The following CSMD1 variants were observed in gnomAD, a reference collection of about 807,000 sequenced individuals.
CSMD1 encodes CUB and sushi domain-containing protein 1.
A neutral mutation model predicts 417.5 loss-of-function variants in CSMD1; 213 were observed. That is an observed-to-expected ratio of 0.51 (90% CI 0.46 to 0.57). The LOEUF (loss-of-function observed/expected upper bound fraction) is 0.57. Among genes scored for constraint, CSMD1 ranks in the 20% least tolerant of loss-of-function variants. The pLI is 0.00. For synonymous variants in CSMD1, 2,862 were observed against 1,736.8 expected (o/e 1.65, Z -16.11); for missense variants, 6,923 against 4,529.7 (o/e 1.53, Z -15.17).
rs533002489 is a variant in CSMD1 at position 4,601,541 on chromosome 8, A to C, written c.302+35801T>G. Among the ~76,000 whole-genome samples, 8 of 152,308 alleles carry C rather than the reference A, an allele frequency of 5.3e-5. No homozygotes were observed. In the South Asian group the frequency reaches 6.2e-4, roughly 12 times the overall value. ...ATCATAAAGGAACTTCTATGGTCAT[A>C]CAGATGATAAAAGGTAGTATTAAGA... On this transcript the variant is annotated intron_variant, in intron 2 of 69. Coordinates refer to ENST00000635120, the MANE Select transcript of CSMD1 (RefSeq NM_033225.6).
chr8:3,304,170 C>A lies in CSMD1; in HGVS notation c.3950+3525G>T, dbSNP rs147494038. Among the ~76,000 whole-genome samples the A allele has an allele frequency of 1.6e-3, 248 of 152,120 alleles. 1 individual carries two copies. The highest frequency in any genetic ancestry group is 5.7e-3 in the African/African-American group (236 of 41,492). ...ACATTAAGATATCATAGTATAAATG[C>A]ATAGTAATGATTACATTTATATTAA... On this transcript the variant is annotated intron_variant, in intron 25 of 69. Transcript: ENST00000635120.
rs566521722 is a variant in CSMD1 at position 4,665,302 on chromosome 8, C to T, written c.86-27744G>A. Among the ~76,000 whole-genome samples, 3 of 152,320 alleles carry T rather than the reference C, an allele frequency of 2.0e-5. No homozygotes were observed. In the South Asian group the frequency reaches 6.2e-4, roughly 32 times the overall value. On this transcript the variant is annotated intron_variant, in intron 1 of 69. Transcript: ENST00000635120. ...TTTTCTCTCAGATTGGCCTTCCTCT[C>T]CCTTTGCTGACTTTGAAATTTGTAA...
At chr8:4,255,966 T>C (rs527385119) in intron 3 of CSMD1, among the ~76,000 whole-genome samples, 1 of 152,294 alleles carries the variant, frequency 6.6e-6, no homozygotes, top group African/African-American at 2.4e-5. Flanking sequence ...CCAATAAAGC[T>C]TTGGTGAAAA....
chr8:3,385,415 CTGTT>C (rs1810947665), intron 18 of CSMD1, among the ~76,000 whole-genome samples: 1 of 151,094 alleles, frequency 6.6e-6, no homozygotes, highest in Admixed American at 6.6e-5. Context: ...ATCTATTGAC[CTGTT>C]ATCCTGAATG....
At chr8:3,865,992 T>A (rs1365069501) in intron 5 of CSMD1, among the ~76,000 whole-genome samples, 1 of 152,188 alleles carries the variant, frequency 6.6e-6, no homozygotes, top group Admixed American at 6.5e-5. Flanking sequence ...TTCACCATCA[T>A]CTGTAGTCAT....
At chr8:3,199,975 A>C (rs1796908270) in intron 32 of CSMD1, among the ~76,000 whole-genome samples, 166 bp from the exon 33 acceptor site, 1 of 152,198 alleles carries the variant, frequency 6.6e-6, no homozygotes, top group Non-Finnish European at 1.5e-5. Flanking sequence ...TATAAAGATT[A>C]AAAACTCTGT....
intron 1 of CSMD1, among the ~76,000 whole-genome samples, chr8:4,654,631 G>T (rs1460005523): frequency 2.0e-5 from 3 of 152,136 alleles, no homozygotes; most frequent in East Asian, 1.9e-4. Flanking sequence ...CAACTAAAAT[G>T]GTTGAAGTCA....
At chr8:4,512,606 C>T (rs1802882201) in intron 2 of CSMD1, among the ~76,000 whole-genome samples, 1 of 152,022 alleles carries the variant, frequency 6.6e-6, no homozygotes, top group Non-Finnish European at 1.5e-5. Flanking sequence ...ACAAAGTTAA[C>T]ACTAATGCAC....
rs1554445798 is a variant in CSMD1, at chr8:4,093,965, A to AATAGATAGATAC, written c.416-61867_416-61866insGTATCTATCTAT. 5.2e-3 allele frequency among the ~76,000 whole-genome samples: 719 copies of AATAGATAGATAC among 136,954 alleles called. 3 individuals carry two copies. The highest frequency in any genetic ancestry group is 7.9e-3 in the Non-Finnish European group (501 of 63,234). 89.8% of individuals were successfully genotyped at this position (136,954 alleles called of 152,430 possible). A position where few individuals can be genotyped will look rare whatever the true frequency, so the allele number is the denominator to read the frequency against. On this transcript the variant is annotated intron_variant, in intron 3 of 69. Coordinates refer to ENST00000635120, the MANE Select transcript of CSMD1 (RefSeq NM_033225.6). ...AAAGAGTGACTGAGACTACATCTCAAATAGATAGATAGATAGATAGATAGA... is the reference window on the plus strand; with the variant it reads ...AAAGAGTGACTGAGACTACATCTCAAATAGATAGATACATAGATAGATAGATAGATAGATAGA...
intron 26 of CSMD1, among the ~76,000 whole-genome samples, chr8:3,263,461 C>G (rs1263930603): frequency 2.0e-5 from 3 of 152,080 alleles, no homozygotes; most frequent in Non-Finnish European, 2.9e-5. Context: ...TACATTGGGT[C>G]TTTGTTTATC....
chr8:3,046,096 T>C (rs1259655680), intron 50 of CSMD1, among the ~76,000 whole-genome samples: 1 of 152,174 alleles, frequency 6.6e-6, no homozygotes, highest in East Asian at 1.9e-4. Context: ...TTGTGAATTT[T>C]CTTCTACCGC....
chr8:4,176,238 T>C (rs968904597), intron 3 of CSMD1, among the ~76,000 whole-genome samples: 1 of 152,010 alleles, frequency 6.6e-6, no homozygotes, highest in Non-Finnish European at 1.5e-5. Context: ...CTTATGTACG[T>C]TCTTATATAC....
At position 3,931,333 on chromosome 8, in the gene CSMD1, A is replaced by G. The variant is rs551465411; in HGVS notation, c.818+66570T>C. On this transcript the variant is annotated intron_variant, in intron 5 of 69. Coordinates refer to ENST00000635120, the MANE Select transcript of CSMD1 (RefSeq NM_033225.6). ...ATATTTAAGAACTAGAAGTCAGCAG[A>G]AAAGGGCCACTCTCTCTCCCTCCCT... is the stretch of plus-strand genomic sequence containing the variant. Among the ~76,000 whole-genome samples the G allele has an allele frequency of 3.5e-4, 52 of 150,708 alleles. 2 individuals are homozygous for G. In the Middle Eastern group the frequency reaches 0.014, roughly 39 times the overall value.
intron 2 of CSMD1, among the ~76,000 whole-genome samples, chr8:4,553,345 T>C (rs1472605646): frequency 6.6e-6 from 1 of 152,232 alleles, no homozygotes; most frequent in Non-Finnish European, 1.5e-5. Flanking sequence ...TTTTCATTAA[T>C]TACTCCTGAC....
At chr8:3,631,592 G>T (rs1386352569) in intron 7 of CSMD1, among the ~76,000 whole-genome samples, 1 of 152,330 alleles carries the variant, frequency 6.6e-6, no homozygotes, top group South Asian at 2.1e-4. Context: ...CAAATCGGTA[G>T]AAGACAGGGA....
At chr8:3,735,238 G>C (rs1796471986) in intron 6 of CSMD1, among the ~76,000 whole-genome samples, 1 of 152,098 alleles carries the variant, frequency 6.6e-6, no homozygotes, top group Non-Finnish European at 1.5e-5. Flanking sequence ...GTCTGATTTG[G>C]ATATTTAGTG....
At chr8:4,561,981 G>C (rs17070617) in intron 2 of CSMD1, among the ~76,000 whole-genome samples, 28,907 of 152,054 alleles carry the variant, frequency 0.19, 3,108 homozygotes, top group African/African-American at 0.3. Flanking sequence ...TAAACGAAGA[G>C]AGTTAAGGAA....
chr8:3,961,475 A>G (rs918565726), intron 5 of CSMD1, among the ~76,000 whole-genome samples: 1 of 152,190 alleles, frequency 6.6e-6, no homozygotes, highest in African/African-American at 2.4e-5. Context: ...TGACATTTTA[A>G]AAGTCTAGCC....
intron 15 of CSMD1, 138 bp from the exon 16 acceptor site, chr8:3,399,667 A>T: frequency 1.6e-6 from 1 of 627,512 alleles, no homozygotes; most frequent in East Asian, 3.0e-5. Context: ...TCTTATTCCC[A>T]AGGAAACTGT....
Sources: gnomAD v4.1 joint callset for allele counts (sites outside exome capture counted in the v4.1 genomes callset) on GRCh38, gnomAD v4.1.1 for gene constraint, MANE v1.5 for transcripts, NCBI Gene and HGNC (gene_info 2026-07-23, HGNC 2026-07-21) for gene names.